Variants in TEX9 observed in about 807,000 individuals in gnomAD.
TEX9 encodes the protein testis-expressed protein 9.
A neutral mutation model predicts 59.6 loss-of-function variants in TEX9; 74 were observed. The ratio of observed to expected loss-of-function variants is 1.24; its 90% CI spans 1.03 to 1.51. The LOEUF (loss-of-function observed/expected upper bound fraction) is 1.51. Among genes scored for constraint, TEX9 ranks in the 40% most tolerant of loss-of-function variants. The pLI is 0.00. For synonymous variants in TEX9, 186 were observed against 152.2 expected, an observed-to-expected ratio of 1.22 and a Z score of -1.64; for missense variants, 522 against 447.8, an observed-to-expected ratio of 1.17 and a Z score of -1.49.
intron 10 of TEX9, among the ~76,000 whole-genome samples, chr15:56,414,025 A>G (rs2049539386): frequency 6.6e-6 from 1 of 151,692 alleles, no homozygotes; most frequent in African/African-American, 2.4e-5. Flanking sequence ...ATCTTTATAG[A>G]CTCACCAGTA....
chr15:56,394,998 T>A, intron 9 of TEX9, 164 bp downstream of exon 9: 1 of 686,514 alleles, frequency 1.5e-6, no homozygotes, highest in East Asian at 2.8e-5. Context: ...TATTGAGATG[T>A]AATTCACCCT....
intron 2 of TEX9, among the ~76,000 whole-genome samples, chr15:56,371,566 C>T (rs1209310411): frequency 1.3e-5 from 2 of 151,786 alleles, no homozygotes; most frequent in African/African-American, 4.8e-5. Flanking sequence ...TCTGCTGATT[C>T]TCTCTTTCAG....
intron 3 of TEX9, among the ~76,000 whole-genome samples, chr15:56,381,757 G>A (rs2047735753): frequency 6.6e-6 from 1 of 152,226 alleles, no homozygotes; most frequent in African/African-American, 2.4e-5. Flanking sequence ...GTGTGGTGAT[G>A]CAAGCACCCC....
intron 9 of TEX9, 108 bp from the exon 10 acceptor site, chr15:56,412,194 A>C: frequency 1.0e-6 from 1 of 986,634 alleles, no homozygotes; most frequent in Non-Finnish European, 1.5e-6. Flanking sequence ...GTGTGTGTGT[A>C]AAGTTTGAGA....
chr15:56,335,262 G>T (rs2046236940), intron 1 of TEX9, among the ~76,000 whole-genome samples: 1 of 152,080 alleles, frequency 6.6e-6, no homozygotes, highest in African/African-American at 2.4e-5. Flanking sequence ...GCGTCCATCA[G>T]CAGATGAATG....
chr15:56,449,611 C>T (rs998522502), downstream of TEX9, among the ~76,000 whole-genome samples: 1 of 152,052 alleles, frequency 6.6e-6, no homozygotes, highest in Non-Finnish European at 1.5e-5. Context: ...GAAGGGCTTC[C>T]TCTTTTTCTG....
chr15:56,326,462 A>C (rs1364379766), intron 1 of TEX9, among the ~76,000 whole-genome samples: 1 of 152,204 alleles, frequency 6.6e-6, no homozygotes, highest in Non-Finnish European at 1.5e-5. Flanking sequence ...AAATATTTTT[A>C]AACATCCACG....
chr15:56,449,757 A>G (rs2140368197), downstream of TEX9, among the ~76,000 whole-genome samples: 1 of 152,284 alleles, frequency 6.6e-6, no homozygotes, highest in Admixed American at 6.5e-5. Context: ...ACATTTAGCT[A>G]TTTCTTCTTG....
At chr15:56,337,614 C>T (rs1256312551) in intron 1 of TEX9, among the ~76,000 whole-genome samples, 2 of 152,174 alleles carry the variant, frequency 1.3e-5, no homozygotes, top group African/African-American at 4.8e-5. Flanking sequence ...TCTTACTGTT[C>T]ATCTTCATTA....
rs553767735 is a variant in TEX9 at position 56,394,288 on chromosome 15, G to T, written c.654+41G>T. 2.8e-6 allele frequency: 4 copies of T among 1,453,292 alleles called. No individual in the cohort carries two copies. In the East Asian group the frequency reaches 9.4e-5, roughly 34 times the overall value. 90.0% of individuals were successfully genotyped at this position (1,453,292 alleles called of 1,614,324 possible). On this transcript the variant is annotated intron_variant, in intron 8 of 12. Coordinates refer to ENST00000352903, the Ensembl canonical transcript of TEX9. ...CTCTTAAAAGGCTCTAATATTCAAA[G>T]ATATTTTAGGAGCAATTTCAATTAC...
intron 6 of TEX9, among the ~76,000 whole-genome samples, chr15:56,390,886 A>G (rs2048176087): frequency 1.3e-5 from 2 of 152,070 alleles, no homozygotes; most frequent in African/African-American, 4.8e-5. Flanking sequence ...GGCCAAGTGC[A>G]ATACTCTTAG....
chr15:56,301,226 A>C (rs1440097951), intron 1 of TEX9, among the ~76,000 whole-genome samples: 1 of 152,212 alleles, frequency 6.6e-6, no homozygotes, highest in South Asian at 2.1e-4. Flanking sequence ...CATATTAAAG[A>C]ATGCATTGGT....
intron 12 of TEX9, among the ~76,000 whole-genome samples, chr15:56,441,160 A>G (rs936525574): frequency 1.3e-5 from 2 of 152,152 alleles, no homozygotes; most frequent in Non-Finnish European, 2.9e-5. Flanking sequence ...TTATTTAGAA[A>G]TATATTGTTT....
Position 56,247,040 on chromosome 15 carries a change from T to A in TEX9, c.-107+2762T>A, listed in dbSNP as rs147135740. On this transcript the variant is annotated intron_variant, in intron 1 of 5. Transcript: ENST00000560827. ...TATTTATCCTAGTAGTCCCAGGACATAATTCCTGACTCCTGACTATTTAAT... is the reference window on the plus strand; with the variant it reads ...TATTTATCCTAGTAGTCCCAGGACAAAATTCCTGACTCCTGACTATTTAAT... Among the ~76,000 whole-genome samples, 743 of 152,336 alleles carry A rather than the reference T, an allele frequency of 4.9e-3. 8 individuals are homozygous for A. The highest frequency in any genetic ancestry group is 0.017 in the African/African-American group (700 of 41,568).
At chr15:56,319,831 G>C (rs999754098) in intron 1 of TEX9, among the ~76,000 whole-genome samples, 4 of 152,166 alleles carry the variant, frequency 2.6e-5, no homozygotes, top group Admixed American at 1.3e-4. Flanking sequence ...GTTGGAAAAT[G>C]AGTATTAAAG....
At chr15:56,247,708 G>A (rs2043894469) in intron 1 of TEX9, among the ~76,000 whole-genome samples, 1 of 152,076 alleles carries the variant, frequency 6.6e-6, no homozygotes, top group East Asian at 1.9e-4. Flanking sequence ...CCTGAAAGTC[G>A]GTTTCATTAT....
intron 1 of TEX9, chr15:56,248,848 G>C (rs1202867849): frequency 1.3e-5 from 2 of 152,188 alleles, no homozygotes; most frequent in Non-Finnish European, 2.9e-5. Context: ...ACAATGAAAA[G>C]ACACCAGAGC....
intron 1 of TEX9, among the ~76,000 whole-genome samples, chr15:56,354,849 T>A (rs78169692): frequency 7.0e-4 from 106 of 152,250 alleles, no homozygotes; most frequent in Non-Finnish European, 1.2e-3. Flanking sequence ...GACAGTACTG[T>A]ATGAAGAAGG....
At chr15:56,279,963 A>G (rs1250891351) in intron 1 of TEX9, among the ~76,000 whole-genome samples, 1 of 152,202 alleles carries the variant, frequency 6.6e-6, no homozygotes, top group African/African-American at 2.4e-5. Flanking sequence ...TTCTTGCAAT[A>G]TTGGACAGCT....
Sources: gnomAD v4.1 joint callset for allele counts (sites outside exome capture counted in the v4.1 genomes callset) on GRCh38, gnomAD v4.1.1 for gene constraint, MANE v1.5 for transcripts, NCBI Gene and HGNC (gene_info 2026-07-23, HGNC 2026-07-21) for gene names.